The following SYNM variants were observed in gnomAD, a reference collection of about 807,000 sequenced individuals.
The protein encoded by SYNM is synemin, also known as desmuslin.
Under a neutral mutation model 104.0 loss-of-function variants are expected in SYNM, and 95 were observed. The observed-to-expected ratio is 0.91, with a 90% CI of 0.77 to 1.08. The LOEUF (loss-of-function observed/expected upper bound fraction) is 1.08. Among genes scored for constraint, SYNM ranks in the 50% least tolerant of loss-of-function variants. The pLI is 0.00. For synonymous variants in SYNM, 918 were observed against 869.0 expected (o/e 1.06, Z -0.99); for missense variants, 2,150 against 2,052.2 (o/e 1.05, Z -0.92).
Position 99,105,748 on chromosome 15 carries a change from G to T in SYNM, c.549G>T (p.Val183=). 4 of 1,530,940 alleles carry T rather than the reference G, an allele frequency of 2.6e-6. No individual in the cohort carries two copies. Among genetic ancestry groups the T allele is most frequent in the Non-Finnish European group, 3.5e-6 (4 of 1,141,300 alleles). 94.8% of individuals were successfully genotyped at this position (1,530,940 alleles called of 1,614,324 possible). A position where few individuals can be genotyped will look rare whatever the true frequency, so the allele number is the denominator to read the frequency against. Residue 183 remains valine, a synonymous_variant, in exon 1 of 4, where the codon GTG becomes GTT. Transcript: ENST00000336292. ...CGCCGCCGCCACGCCTGCGGGAGGT[G>T]CACGACAGCTACGCACTGCTGGTGG... is the stretch of plus-strand genomic sequence containing the variant. ...PAAPPPRLRE[V]HDSYALLVAE...
chr15:99,131,927 C>T lies in SYNM; in HGVS notation c.3567C>T (p.Phe1189=), dbSNP rs1555486000. The T allele has an allele frequency of 6.2e-7, 1 of 1,613,858 alleles. No homozygotes were observed. Among genetic ancestry groups the T allele is most frequent in the Non-Finnish European group, 8.5e-7 (1 of 1,179,846 alleles). Residue 1189 remains phenylalanine (F), a synonymous_variant, in exon 4 of 4, where the codon TTC becomes TTT. Coordinates refer to ENST00000336292, the MANE Select transcript of SYNM (RefSeq NM_145728.3). The surrounding 1 kb of genome is among the most constrained non-coding windows in gnomAD (Gnocchi z 4.3). ...GQSPLSREVI[F]LGPAPACPEA... ...GTCCACTGTCCAGAGAAGTCATCTT[C>T]CTAGGCCCTGCCCCTGCCTGTCCAG...
At chr15:99,126,142 T>A (rs1409863118) in intron 2 of SYNM, among the ~76,000 whole-genome samples, 1 of 152,222 alleles carries the variant, frequency 6.6e-6, no homozygotes, top group Non-Finnish European at 1.5e-5. Flanking sequence ...CTTTTCCGTC[T>A]GCCTGCCTTC....
At position 99,131,701 on chromosome 15, in the gene SYNM, C is replaced by T. The variant is rs2067510374; in HGVS notation, c.3341C>T (p.Ser1114Leu). ...EVSSPTGFAQ[S>L]QVLEDVSQAA... ...AGCAGCCCCACAGGCTTTGCCCAGT[C>T]ACAGGTGCTGGAGGATGTGAGCCAG... is the stretch of plus-strand genomic sequence containing the variant. Residue 1114 changes from serine (S) to leucine (L), a missense_variant, in exon 4 of 4, where the codon TCA becomes TTA. By Grantham distance (145) the Ser-to-Leu change is moderately radical. Coordinates refer to ENST00000336292, the MANE Select transcript of SYNM (RefSeq NM_145728.3). The surrounding 1 kb of genome is among the most constrained non-coding windows in gnomAD (Gnocchi z 4.3). The T allele has an allele frequency of 1.2e-6, 2 of 1,613,488 alleles. No homozygotes were observed. The highest frequency in any genetic ancestry group is 2.2e-5 in the East Asian group (1 of 44,882).
Position 99,133,121 on chromosome 15 carries a change from A to C in SYNM, c.*63A>C. The C allele has an allele frequency of 6.3e-7, 1 of 1,589,034 alleles. No homozygotes were observed. The highest frequency in any genetic ancestry group is 2.2e-5 in the East Asian group (1 of 44,612). ...CGACGTGCCAACATCCAAAGGCCTT[A>C]ACTTATTTTAAGAGGCCGAGGGAGT... On this transcript the variant is annotated 3_prime_UTR_variant, in exon 4 of 4. Transcript: ENST00000336292.
At chr15:99,126,183 C>T (rs1033748017) in intron 2 of SYNM, among the ~76,000 whole-genome samples, 10 of 152,270 alleles carry the variant, frequency 6.6e-5, no homozygotes, top group African/African-American at 2.2e-4. Context: ...AAGGTGACCC[C>T]CTGGAATGCA....
intron 3 of SYNM, 132 bp from the exon 4 acceptor site, chr15:99,129,235 T>A: frequency 7.6e-7 from 1 of 1,315,978 alleles, no homozygotes; most frequent in African/African-American, 1.5e-5. Flanking sequence ...AACTTATCTT[T>A]ATAATGAGCT....
rs1416253598 is a variant in SYNM, at chr15:99,130,345, C to G, written c.1985C>G (p.Ser662Cys). ...QSPETEASAD[S>C]FPDTKVTYVD... ...CCAGAGACAGAAGCATCTGCTGATT[C>G]TTTTCCAGACACAAAAGTCACTTAC... is the stretch of plus-strand genomic sequence containing the variant. The change falls in exon 4 of 4, where the codon TCT becomes TGT. Residue 662 changes from serine to cysteine, a missense_variant. Coordinates refer to ENST00000336292, the MANE Select transcript of SYNM (RefSeq NM_145728.3). 4.3e-6 allele frequency: 7 copies of G among 1,613,642 alleles called. No individual in the cohort carries two copies. The East Asian group carries it at 8.9e-5, about 21-fold the overall frequency.
chr15:99,129,785 C>T lies in SYNM; in HGVS notation c.1425C>T (p.Arg475=). ...TTGCCCGCGAGTCGTACCGGGATCG[C>T]CGAGACAAGGTGGCAGCAGGTGCTT... The part of the protein sequence containing the change: ...STIARESYRD[R]RDKVAAGASE... The change falls in exon 4 of 4, where the codon CGC becomes CGT. Residue 475 remains arginine, a synonymous_variant. Coordinates refer to ENST00000336292, the MANE Select transcript of SYNM (RefSeq NM_145728.3). The T allele has an allele frequency of 1.9e-6, 3 of 1,613,414 alleles. No homozygotes were observed. The highest frequency in any genetic ancestry group is 2.7e-5 in the African/African-American group (2 of 74,944).
At position 99,105,231 on chromosome 15, in the gene SYNM, A is replaced by G. The variant is rs1555482313; in HGVS notation, c.32A>G (p.Glu11Gly). ...TCCTGGCGGCTGCAGACGGGCCCCG[A>G]GAAGGCCGAGCTCCAGGAGCTCAAC... MLSWRLQTGP[E>G]KAELQELNAR... Residue 11 changes from glutamate (E) to glycine (G), a missense_variant, in exon 1 of 4, where the codon GAG becomes GGG. Transcript: ENST00000336292. The G allele has an allele frequency of 3.2e-6, 5 of 1,574,238 alleles. No individual in the cohort carries two copies. The highest frequency in any genetic ancestry group is 3.4e-6 in the Non-Finnish European group (4 of 1,161,320).
intron 2 of SYNM, among the ~76,000 whole-genome samples, chr15:99,121,480 C>T (rs1466082463): frequency 1.3e-5 from 2 of 152,102 alleles, no homozygotes; most frequent in Non-Finnish European, 2.9e-5. Flanking sequence ...ATGAGAGACA[C>T]GTGCCGCTGT....
intron 1 of SYNM, among the ~76,000 whole-genome samples, chr15:99,112,373 G>A (rs1340563832): frequency 6.6e-6 from 1 of 152,178 alleles, no homozygotes; most frequent in African/African-American, 2.4e-5. Flanking sequence ...GTTCCCCAGA[G>A]TAACTAACAA....
chr15:99,128,400 A>ACTTCT (rs1296264713), intron 3 of SYNM, among the ~76,000 whole-genome samples: 5 of 152,198 alleles, frequency 3.3e-5, no homozygotes, highest in Admixed American at 3.3e-4. Context: ...ATCTTCTGGG[A>ACTTCT]CTTCTCAGTT....
At chr15:99,135,815 G>A (rs75722216), downstream of SYNM, among the ~76,000 whole-genome samples, 3,233 of 152,302 alleles carry the variant, frequency 0.021, 54 homozygotes, top group Non-Finnish European at 0.031. Context: ...TAAGCCAATT[G>A]GCTTGTAATC....
In SYNM at chr15:99,105,380, G is replaced by A. The variant is rs1325093934; in HGVS notation, c.181G>A (p.Ala61Thr). ...GLWAEGQARCAEEARSLRQQL... is the reference protein window; with the variant it reads ...GLWAEGQARCTEEARSLRQQL... ...GTGGGCCGAGGGGCAGGCCCGCTGC[G>A]CCGAGGAGGCGCGCAGCTTGCGGCA... The change falls in exon 1 of 4, where the codon GCC (alanine) becomes ACC (threonine). Residue 61 changes from alanine to threonine, a missense_variant. Coordinates refer to ENST00000336292, the MANE Select transcript of SYNM (RefSeq NM_145728.3). 1.3e-6 allele frequency: 2 copies of A among 1,518,388 alleles called. No individual in the cohort carries two copies. The highest frequency in any genetic ancestry group is 1.2e-5 in the South Asian group (1 of 82,192). 94.1% of individuals were successfully genotyped at this position (1,518,388 alleles called of 1,614,324 possible).
At chr15:99,121,990 A>G (rs79253852) in intron 2 of SYNM, among the ~76,000 whole-genome samples, 11,203 of 152,304 alleles carry the variant, frequency 0.074, 441 homozygotes, top group South Asian at 0.087. Flanking sequence ...CTGAAAGAAA[A>G]AATGGAAAGC....
In SYNM at chr15:99,129,546, A is replaced by T. The variant is rs1555485403; in HGVS notation, c.1186A>T (p.Arg396Ter). 6.8e-6 allele frequency: 11 copies of T among 1,613,912 alleles called. No individual in the cohort carries two copies. In the Admixed American group the frequency reaches 1.7e-4, roughly 24 times the overall value. Residue 396 changes from arginine to a stop codon, truncating the protein, a stop_gained, in exon 4 of 4, where the codon AGA becomes TGA. Transcript: ENST00000336292. LOFTEE classifies it low-confidence loss of function (END_TRUNC). ...CACATCTATTGGAGGTGATGCCAGA[A>T]GAGGCTTCTTGGGCTCGGGATATTC... ...TGTSIGGDARRGFLGSGYSSS... is the reference protein window; with the variant it reads ...TGTSIGGDAR
chr15:99,116,924 C>T (rs2067355206), intron 2 of SYNM, among the ~76,000 whole-genome samples: 1 of 143,814 alleles, frequency 7.0e-6, no homozygotes, highest in South Asian at 2.4e-4. Flanking sequence ...ATCCACCCGC[C>T]TCAGCCTCTC....
downstream of SYNM, chr15:99,138,057 G>A (rs2151818828): frequency 6.2e-7 from 1 of 1,614,022 alleles, no homozygotes; most frequent in South Asian, 1.1e-5. Flanking sequence ...AGGGTGTCCT[G>A]AGGGATGCTG....
chr15:99,121,763 A>G (rs1472059954), intron 2 of SYNM, among the ~76,000 whole-genome samples: 1 of 152,226 alleles, frequency 6.6e-6, no homozygotes, highest in African/African-American at 2.4e-5. Context: ...TTCAGAAAAG[A>G]TACTCAATAT....
Sources: gnomAD v4.1 joint callset for allele counts (sites outside exome capture counted in the v4.1 genomes callset) on GRCh38, gnomAD v4.1.1 for gene constraint, Gnocchi (gnomAD v3.1) non-coding constraint, MANE v1.5 for transcripts, NCBI Gene and HGNC (gene_info 2026-07-23, HGNC 2026-07-21) for gene names.